Variants in ATXN7 observed in about 807,000 individuals in gnomAD.
ATXN7 encodes the protein ataxin-7.
ATXN7 carries 12 observed loss-of-function variants against 70.5 expected under a neutral mutation model. That is an observed-to-expected ratio of 0.17 (90% CI 0.11 to 0.28). The LOEUF is 0.28. Ranked by LOEUF, ATXN7 falls within the 10% of genes least tolerant of loss-of-function variation. The pLI is 1.00. For synonymous variants in ATXN7, 498 were observed against 448.7 expected (o/e 1.11, Z -1.39); for missense variants, 1,256 against 1,131.7 (o/e 1.11, Z -1.58).
At chr3:63,866,714 A>G (rs1024289156) in intron 1 of ATXN7, 2 of 152,192 alleles carry the variant, frequency 1.3e-5, no homozygotes, top group Non-Finnish European at 2.9e-5. Context: ...CGTATATCTC[A>G]TATATATGAG....
intron 5 of ATXN7, among the ~76,000 whole-genome samples, chr3:63,954,983 A>G (rs2075017612): frequency 1.3e-5 from 2 of 152,184 alleles, no homozygotes; most frequent in African/African-American, 4.8e-5. Context: ...TACAGGGAAT[A>G]TAGGCATGAG....
At chr3:63,877,152 G>C (rs944760785) in intron 1 of ATXN7, among the ~76,000 whole-genome samples, 2 of 152,252 alleles carry the variant, frequency 1.3e-5, no homozygotes, top group African/African-American at 4.8e-5. Flanking sequence ...TAGATTTTAA[G>C]TTTCAAGAAT....
At chr3:63,912,985 T>TG (rs1704111844) in intron 3 of ATXN7, 62 bp downstream of exon 3, 1 of 617,256 alleles carries the variant, frequency 1.6e-6, no homozygotes, top group African/African-American at 5.6e-5. Flanking sequence ...TCTCCTCCCC[T>TG]CCCCCCTGCC....
chr3:63,876,096 T>C (rs977764500), intron 1 of ATXN7, among the ~76,000 whole-genome samples: 4 of 152,230 alleles, frequency 2.6e-5, no homozygotes, highest in Admixed American at 2.6e-4. Context: ...TCTTGCATTT[T>C]TAGTTTGTTT....
chr3:63,991,901 CA>C (rs1165455098), intron 11 of ATXN7, among the ~76,000 whole-genome samples: 1 of 152,094 alleles, frequency 6.6e-6, no homozygotes, highest in African/African-American at 2.4e-5. Flanking sequence ...ACTCTTGAAG[CA>C]GGGAATGTCA....
chr3:63,990,705 T>G (rs770354613), intron 10 of ATXN7, 33 bp from the exon 11 acceptor site: 1 of 1,613,802 alleles, frequency 6.2e-7, no homozygotes, highest in Admixed American at 1.7e-5. Flanking sequence ...AGTGTGGGAG[T>G]CAGCAAGCAC....
At position 63,995,734 on chromosome 3, in the gene ATXN7, G is replaced by A. The variant is rs1214243048; in HGVS notation, c.1912G>A (p.Val638Met). The A allele has an allele frequency of 6.2e-7, 1 of 1,614,208 alleles. No individual in the cohort carries two copies. Among genetic ancestry groups the A allele is most frequent in the African/African-American group, 1.3e-5 (1 of 75,032 alleles). ...TGCTGCTTCAGGGGCGATGGATCCT[G>A]TGTGCAGTATGCAATCCAGACAAGT... ...QPAASGAMDP[V>M]CSMQSRQVSS... Residue 638 changes from valine (V) to methionine (M), a missense_variant, in exon 12 of 13, where the codon GTG becomes ATG. Val to Met is a conservative substitution (Grantham distance 21). Transcript: ENST00000674280.
At chr3:63,863,410 G>T, upstream of ATXN7, 2 of 1,065,984 alleles carry the variant, frequency 1.9e-6, no homozygotes, top group Non-Finnish European at 2.3e-6. Flanking sequence ...AGACAAACCC[G>T]GACTCCCTCT....
intron 4 of ATXN7, among the ~76,000 whole-genome samples, chr3:63,936,041 G>T (rs2107351490): frequency 6.6e-6 from 1 of 152,282 alleles, no homozygotes; most frequent in Middle Eastern, 3.4e-3. Flanking sequence ...GGAGTAGGAG[G>T]TATGAATCAA....
At chr3:63,999,191 C>CT (rs3832255) in intron 12 of ATXN7, 51,192 of 424,768 alleles carry the variant, frequency 0.12, 3,529 homozygotes, top group Admixed American at 0.17. Context: ...AGCCTTTTCT[C>CT]TAAGTTAGAA....
At chr3:63,911,894 AG>A (rs1372961763) in intron 2 of ATXN7, 1 of 152,258 alleles carries the variant, frequency 6.6e-6, no homozygotes, top group Non-Finnish European at 1.5e-5. Context: ...CCGCAAGCCG[AG>A]GGCAAAGTGC....
intron 4 of ATXN7, among the ~76,000 whole-genome samples, chr3:63,929,649 A>G (rs1188587682): frequency 6.6e-6 from 1 of 152,130 alleles, no homozygotes; most frequent in African/African-American, 2.4e-5. Flanking sequence ...TTAAGTAACT[A>G]AGTAGATTGA....
intron 2 of ATXN7, among the ~76,000 whole-genome samples, chr3:63,910,465 T>C (rs1269379398): frequency 2.0e-5 from 3 of 152,230 alleles, no homozygotes; most frequent in Non-Finnish European, 2.9e-5. Context: ...TTGTGTACTT[T>C]AGGAAAACAG....
At chr3:63,895,865 TCA>T (rs1315003680) in intron 1 of ATXN7, among the ~76,000 whole-genome samples, 1 of 152,048 alleles carries the variant, frequency 6.6e-6, no homozygotes, top group Non-Finnish European at 1.5e-5. Context: ...GCCTCTTGGG[TCA>T]GATTCACTCT....
intron 1 of ATXN7, among the ~76,000 whole-genome samples, chr3:63,891,166 C>T (rs1339480557): frequency 3.9e-5 from 6 of 151,996 alleles, no homozygotes; most frequent in African/African-American, 9.7e-5. Context: ...CGCAGCACCA[C>T]GCCTGGCTAA....
At position 63,982,348 on chromosome 3, in the gene ATXN7, G is replaced by C; in HGVS notation, c.915G>C (p.Gln305His). 6.2e-7 allele frequency: 1 copy of C among 1,614,192 alleles called. No homozygotes were observed. Among genetic ancestry groups the C allele is most frequent in the Admixed American group, 1.7e-5 (1 of 60,026 alleles). Residue 305 changes from glutamine to histidine, a missense_variant, in exon 7 of 13, where the codon CAG becomes CAC. By Grantham distance (24) the Gln-to-His change is conservative. Transcript: ENST00000674280. ...IPKPTLPSPG[Q>H]ILNGKGLPAP... ...AGCCAACCTTGCCTTCACCTGGACAGATTCTGAATGGCAAAGGGCTTCCTG... is the reference window on the plus strand; with the variant it reads ...AGCCAACCTTGCCTTCACCTGGACACATTCTGAATGGCAAAGGGCTTCCTG...
intron 2 of ATXN7, among the ~76,000 whole-genome samples, chr3:63,910,447 G>A (rs1356089711): frequency 2.0e-5 from 3 of 152,118 alleles, no homozygotes; most frequent in Non-Finnish European, 4.4e-5. Context: ...ACAATTCCAA[G>A]TAATAAATTG....
chr3:63,967,979 A>G, intron 5 of ATXN7: 3 of 1,535,014 alleles, frequency 2.0e-6, no homozygotes, highest in Non-Finnish European at 2.6e-6. Flanking sequence ...CCACTGGGTA[A>G]GTTTTCTGAG....
At chr3:63,981,512 G>T (rs2075487127) in intron 6 of ATXN7, among the ~76,000 whole-genome samples, 2 of 152,206 alleles carry the variant, frequency 1.3e-5, no homozygotes, top group Admixed American at 1.3e-4. Flanking sequence ...GTTTTACCAA[G>T]CAAAATGATA....
Sources: gnomAD v4.1 joint callset for allele counts (sites outside exome capture counted in the v4.1 genomes callset) on GRCh38, gnomAD v4.1.1 for gene constraint, MANE v1.5 for transcripts, NCBI Gene and HGNC (gene_info 2026-07-23, HGNC 2026-07-21) for gene names.